The following CDH18 variants were observed in gnomAD, a reference collection of about 807,000 sequenced individuals.
CDH18 encodes the protein cadherin-18.
In CDH18, 31 loss-of-function variants were observed where a neutral mutation model predicts 67.9. That is an observed-to-expected ratio of 0.46 (90% CI 0.34 to 0.62). The LOEUF (loss-of-function observed/expected upper bound fraction) is 0.62. Among genes scored for constraint, CDH18 ranks in the 20% least tolerant of loss-of-function variants. CDH18 has a pLI of 0.01. For synonymous variants in CDH18, 362 were observed against 347.2 expected (o/e 1.04, Z -0.48); for missense variants, 890 against 975.5 (o/e 0.91, Z 1.17).
chr5:19,998,361 A>T (rs1281353520), intron 2 of CDH18, among the ~76,000 whole-genome samples: 1 of 152,186 alleles, frequency 6.6e-6, no homozygotes, highest in Admixed American at 6.5e-5. Context: ...GATGGGTGTG[A>T]TGAGCAAGGG....
At chr5:19,601,258 A>T (rs1030624493) in intron 6 of CDH18, among the ~76,000 whole-genome samples, 1 of 152,162 alleles carries the variant, frequency 6.6e-6, no homozygotes, top group Non-Finnish European at 1.5e-5. Flanking sequence ...AAATAATTAC[A>T]ATCAGAAATA....
At chr5:19,655,752 G>A (rs768887674) in intron 5 of CDH18, among the ~76,000 whole-genome samples, 32 of 151,952 alleles carry the variant, frequency 2.1e-4, no homozygotes, top group Admixed American at 5.9e-4. Context: ...ACAAACCCCA[G>A]AGCTACACTC....
chr5:19,627,026 G>T (rs2150163594), intron 5 of CDH18, among the ~76,000 whole-genome samples: 1 of 152,118 alleles, frequency 6.6e-6, no homozygotes, highest in Admixed American at 6.5e-5. Context: ...CTATAATTTT[G>T]ATGTTATTTA....
At chr5:20,075,780 T>C (rs1044295272) in intron 2 of CDH18, among the ~76,000 whole-genome samples, 1 of 152,196 alleles carries the variant, frequency 6.6e-6, no homozygotes, top group Non-Finnish European at 1.5e-5. Context: ...GTGTTGATGA[T>C]AATTTAGGTT....
At chr5:20,552,898 G>A (rs1255078763) in intron 1 of CDH18, among the ~76,000 whole-genome samples, 2 of 151,982 alleles carry the variant, frequency 1.3e-5, no homozygotes, top group East Asian at 1.9e-4. Context: ...GAGACTACAG[G>A]CGTGCTCCAT....
intron 8 of CDH18, among the ~76,000 whole-genome samples, chr5:19,553,489 C>G (rs1007879941): frequency 3.3e-5 from 5 of 151,614 alleles, no homozygotes; most frequent in Non-Finnish European, 7.4e-5. Context: ...TTTGCAGGTA[C>G]AAGACATGAA....
intron 7 of CDH18, among the ~76,000 whole-genome samples, chr5:19,577,689 T>G (rs2149968179): frequency 6.6e-6 from 1 of 152,276 alleles, no homozygotes; most frequent in South Asian, 2.1e-4. Flanking sequence ...ATTGATTTTG[T>G]AATAGATTGA....
chr5:20,225,265 T>A (rs1475666901), intron 2 of CDH18, among the ~76,000 whole-genome samples: 1 of 152,112 alleles, frequency 6.6e-6, no homozygotes, highest in Admixed American at 6.6e-5. Flanking sequence ...AACTAGAAGG[T>A]AATCTCTACT....
intron 2 of CDH18, among the ~76,000 whole-genome samples, chr5:20,159,259 G>A (rs73050784): frequency 0.025 from 3,773 of 152,188 alleles, 173 homozygotes; most frequent in African/African-American, 0.086. Context: ...TGACTAAGTC[G>A]GGAGTTTGGA....
intron 5 of CDH18, among the ~76,000 whole-genome samples, chr5:19,710,431 T>C (rs925045585): frequency 2.0e-5 from 3 of 152,148 alleles, no homozygotes; most frequent in African/African-American, 7.2e-5. Context: ...ATTCCAGAGA[T>C]TTATTTTTTA....
At chr5:19,914,873 G>T (rs914422309) in intron 2 of CDH18, among the ~76,000 whole-genome samples, 1 of 151,950 alleles carries the variant, frequency 6.6e-6, no homozygotes, top group African/African-American at 2.4e-5. Context: ...CCCCAAATTT[G>T]TAATATGATA....
chr5:20,266,551 G>A (rs908100349), intron 1 of CDH18, among the ~76,000 whole-genome samples: 1 of 146,332 alleles, frequency 6.8e-6, no homozygotes, highest in East Asian at 2.0e-4. Context: ...TTACAGGCAC[G>A]TGCCGGCACG....
chr5:19,711,169 C>G (rs536519800), intron 5 of CDH18, among the ~76,000 whole-genome samples: 1 of 151,978 alleles, frequency 6.6e-6, no homozygotes, highest in African/African-American at 2.4e-5. Flanking sequence ...ACAAACTCAT[C>G]TAGACATTGG....
chr5:20,445,842 A>T (rs1022301494), intron 1 of CDH18, among the ~76,000 whole-genome samples: 4 of 152,150 alleles, frequency 2.6e-5, no homozygotes, highest in African/African-American at 9.7e-5. Context: ...CCAAAATGCA[A>T]GCTCCAAGCA....
chr5:19,693,221 A>G (rs923524392), intron 5 of CDH18, among the ~76,000 whole-genome samples: 4 of 152,182 alleles, frequency 2.6e-5, no homozygotes, highest in Non-Finnish European at 4.4e-5. Flanking sequence ...AGAGAGTAGC[A>G]TGATAGTTAT....
intron 2 of CDH18, among the ~76,000 whole-genome samples, chr5:19,973,755 G>T (rs1006161508): frequency 2.6e-5 from 4 of 151,952 alleles, no homozygotes; most frequent in African/African-American, 9.7e-5. Flanking sequence ...TTTGAGGAGG[G>T]GAAAGTATAA....
rs1554098730 is a variant in CDH18 at position 20,172,209 on chromosome 5, T to TATATAC, written c.-518+83234_-518+83235insGTATAT. On this transcript the variant is annotated intron_variant, in intron 2 of 14. Coordinates refer to the CDH18 transcript ENST00000507958. ...TTGTGTGTATATATATATATATATA[T>TATATAC]ATATATATATATATGTATATATATA... 4.5e-5 allele frequency among the ~76,000 whole-genome samples: 3 copies of TATATAC among 66,478 alleles called. No homozygotes were observed. In the East Asian group the frequency reaches 1.4e-3, roughly 30 times the overall value. 43.6% of individuals were successfully genotyped at this position (66,478 alleles called of 152,430 possible).
intron 2 of CDH18, among the ~76,000 whole-genome samples, chr5:20,244,626 A>G (rs2388304): frequency 0.7 from 106,559 of 151,968 alleles, 38,029 homozygotes; most frequent in African/African-American, 0.85. Flanking sequence ...CATGTTTTGG[A>G]CTCATAAAAA....
intron 1 of CDH18, among the ~76,000 whole-genome samples, chr5:20,506,539 T>A (rs1754672353): frequency 6.6e-6 from 1 of 152,132 alleles, no homozygotes; most frequent in Non-Finnish European, 1.5e-5. Flanking sequence ...ACCACGTAAG[T>A]GGGGATGCAG....
Sources: gnomAD v4.1 joint callset for allele counts (sites outside exome capture counted in the v4.1 genomes callset) on GRCh38, gnomAD v4.1.1 for gene constraint, MANE v1.5 for transcripts, NCBI Gene and HGNC (gene_info 2026-07-23, HGNC 2026-07-21) for gene names.